Variants in RALYL observed in about 807,000 individuals in gnomAD.
The protein encoded by RALYL is RALY RNA binding protein like.
RALYL carries 29 observed loss-of-function variants against 35.1 expected under a neutral mutation model. That is an observed-to-expected ratio of 0.83 (90% CI 0.61 to 1.13). The LOEUF (loss-of-function observed/expected upper bound fraction) is 1.13, where lower values mean the gene tolerates loss of function less well. Among genes scored for constraint, RALYL ranks in the 50% most tolerant of loss-of-function variants. The probability of loss-of-function intolerance (pLI) is 0.00; values close to 1 mark genes in which losing one functional copy is unlikely to be tolerated. For missense variants in RALYL, 359 were observed against 360.4 expected, an observed-to-expected ratio of 1.00 and a Z score of 0.03; for synonymous variants, 120 against 127.6, an observed-to-expected ratio of 0.94 and a Z score of 0.40.
chr8:84,529,596 T>C lies in RALYL; in HGVS notation c.256+19T>C, dbSNP rs1258869291. 2 of 1,599,828 alleles carry C rather than the reference T, an allele frequency of 1.3e-6. No homozygotes were observed. The highest frequency in any genetic ancestry group is 1.7e-5 in the Admixed American group (1 of 59,654). ...CCACTTGGTAAGTCATGCTCAGACATGGATCTCACGTTATTGTTCATATAT... is the reference window on the plus strand; with the variant it reads ...CCACTTGGTAAGTCATGCTCAGACACGGATCTCACGTTATTGTTCATATAT... On this transcript the variant is annotated intron_variant, in intron 2 of 8. Coordinates refer to ENST00000521268, the MANE Select transcript of RALYL (RefSeq NM_173848.7).
intron 1 of RALYL, among the ~76,000 whole-genome samples, chr8:84,257,236 A>G (rs1244482823): frequency 1.2e-4 from 18 of 152,056 alleles, no homozygotes. Flanking sequence ...AGATTGCGTG[A>G]ATCATCTGGT....
rs968391087 is a variant in RALYL at position 84,921,533 on chromosome 8, C to G, written c.*622C>G. ...TGGTTTGATCTGTGATTAAGTTGAG[C>G]ATGCTCCGCTCTACTGAACTAAATG... On this transcript the variant is annotated 3_prime_UTR_variant, in exon 9 of 9. Transcript: ENST00000521268. 17 of 152,116 alleles carry G rather than the reference C, an allele frequency of 1.1e-4. No homozygotes were observed. The highest frequency in any genetic ancestry group is 3.3e-4 in the Admixed American group (5 of 15,260). 9.4% of individuals were successfully genotyped at this position (152,116 alleles called of 1,614,324 possible).
intron 8 of RALYL, among the ~76,000 whole-genome samples, chr8:84,900,535 C>G (rs778605039): frequency 2.9e-4 from 44 of 151,890 alleles, no homozygotes; most frequent in Non-Finnish European, 5.9e-4. Context: ...AAAAATTAGC[C>G]AATCATGGTG....
chr8:84,783,864 T>C (rs138844140), intron 3 of RALYL, among the ~76,000 whole-genome samples: 1 of 152,188 alleles, frequency 6.6e-6, no homozygotes, highest in South Asian at 2.1e-4. Context: ...TTTGTATTTG[T>C]CCTTGGAAGC....
chr8:84,496,997 A>G (rs973969042), intron 1 of RALYL, among the ~76,000 whole-genome samples: 15 of 152,298 alleles, frequency 9.8e-5, no homozygotes, highest in African/African-American at 3.4e-4. Context: ...GAGCCCAAGT[A>G]TGTTTTTTAT....
chr8:84,745,370 T>C (rs1375468862), intron 2 of RALYL, among the ~76,000 whole-genome samples: 4 of 152,082 alleles, frequency 2.6e-5, no homozygotes, highest in Non-Finnish European at 2.9e-5. Flanking sequence ...AATGCGTCTA[T>C]GATGAAAAAA....
intron 2 of RALYL, among the ~76,000 whole-genome samples, chr8:84,734,240 A>T (rs1312747665): frequency 6.6e-6 from 1 of 152,146 alleles, no homozygotes; most frequent in Non-Finnish European, 1.5e-5. Flanking sequence ...TAAATCTTTG[A>T]CAAGCTAATT....
chr8:84,543,701 C>G (rs1446751491), intron 2 of RALYL, among the ~76,000 whole-genome samples: 1 of 151,902 alleles, frequency 6.6e-6, no homozygotes, highest in East Asian at 1.9e-4. Context: ...GTTTCTGGGT[C>G]GTTTTGACAT....
chr8:84,708,461 A>G (rs1841593008), intron 2 of RALYL, among the ~76,000 whole-genome samples: 1 of 152,196 alleles, frequency 6.6e-6, no homozygotes, highest in Non-Finnish European at 1.5e-5. Flanking sequence ...GCAAAACTGC[A>G]TTAAATACTT....
chr8:84,409,876 C>T (rs1158078736), intron 1 of RALYL, among the ~76,000 whole-genome samples: 1 of 151,858 alleles, frequency 6.6e-6, no homozygotes, highest in Non-Finnish European at 1.5e-5. Flanking sequence ...ATCTTACAAT[C>T]CAGAAAACTC....
At chr8:84,656,605 T>C (rs1280405596) in intron 2 of RALYL, among the ~76,000 whole-genome samples, 1 of 152,124 alleles carries the variant, frequency 6.6e-6, no homozygotes, top group African/African-American at 2.4e-5. Flanking sequence ...AGTGCCTTTA[T>C]TTGTTTCACC....
intron 2 of RALYL, among the ~76,000 whole-genome samples, chr8:84,561,733 G>A (rs144337870): frequency 5.3e-5 from 8 of 151,956 alleles, no homozygotes; most frequent in East Asian, 1.9e-4. Flanking sequence ...AGAGACTAAC[G>A]GGCATGTAGT....
chr8:84,503,533 C>A (rs948795165), intron 1 of RALYL, among the ~76,000 whole-genome samples: 17 of 151,820 alleles, frequency 1.1e-4, no homozygotes, highest in Non-Finnish European at 1.5e-5. Flanking sequence ...TGTCAGAAAT[C>A]AATTTTATTT....
At chr8:84,519,999 CAT>C (rs1162972615) in intron 1 of RALYL, among the ~76,000 whole-genome samples, 4 of 152,216 alleles carry the variant, frequency 2.6e-5, no homozygotes. Context: ...ATAGTGTAGA[CAT>C]AGCACCAGTC....
chr8:84,669,361 A>G, intron 2 of RALYL, among the ~76,000 whole-genome samples: 1 of 151,256 alleles, frequency 6.6e-6, no homozygotes, highest in Non-Finnish European at 1.5e-5. Flanking sequence ...ATTTTTTTTT[A>G]ATTTCAACTT....
intron 3 of RALYL, among the ~76,000 whole-genome samples, chr8:84,801,457 T>C (rs1430918526): frequency 6.6e-6 from 1 of 152,122 alleles, no homozygotes; most frequent in Non-Finnish European, 1.5e-5. Flanking sequence ...AGACTCTAAG[T>C]TCAGTTTTTT....
intron 6 of RALYL, among the ~76,000 whole-genome samples, chr8:84,872,285 G>T (rs190848933): frequency 6.6e-6 from 1 of 152,242 alleles, no homozygotes; most frequent in Non-Finnish European, 1.5e-5. Context: ...AGGATTAAAT[G>T]CTCGTGTCAC....
chr8:84,871,012 G>A (rs185515699), intron 6 of RALYL, among the ~76,000 whole-genome samples: 2 of 152,294 alleles, frequency 1.3e-5, no homozygotes, highest in South Asian at 4.1e-4. Context: ...CCCATTCTAA[G>A]AGGGAACTGA....
At chr8:84,601,432 G>T (rs1815925145) in intron 2 of RALYL, among the ~76,000 whole-genome samples, 1 of 152,078 alleles carries the variant, frequency 6.6e-6, no homozygotes, top group Non-Finnish European at 1.5e-5. Flanking sequence ...AAATTACCTA[G>T]AAACTAAACA....
Sources: allele counts gnomAD v4.1 joint callset (sites outside exome capture counted in the v4.1 genomes callset), GRCh38; gene constraint gnomAD v4.1.1; transcripts MANE v1.5; gene names NCBI Gene and HGNC (gene_info 2026-07-23, HGNC 2026-07-21).